NEBL: variants seen among roughly 807,000 people sequenced by gnomAD.
NEBL encodes LIM and SH3 protein 2.
In NEBL, 122 loss-of-function variants were observed where a neutral mutation model predicts 140.2. The observed-to-expected ratio is 0.87, with a 90% CI of 0.75 to 1.01. The LOEUF is 1.01. Among genes scored for constraint, NEBL ranks in the 50% least tolerant of loss-of-function variants. The probability of loss-of-function intolerance (pLI) is 0.00; values close to 1 mark genes in which losing one functional copy is unlikely to be tolerated. For synonymous variants in NEBL, 436 were observed against 398.9 expected (o/e 1.09, Z -1.11); for missense variants, 1,365 against 1,231.3 (o/e 1.11, Z -1.62).
intron 7 of NEBL, 149 bp downstream of exon 7, chr10:20,868,515 G>C: frequency 1.5e-6 from 1 of 672,688 alleles, no homozygotes; most frequent in Non-Finnish European, 2.7e-6. Flanking sequence ...AATTCATAAT[G>C]ATTGCAAGCC....
chr10:21,263,586 G>C (rs1046346852), intron 1 of NEBL, among the ~76,000 whole-genome samples: 2 of 152,132 alleles, frequency 1.3e-5, no homozygotes, highest in African/African-American at 4.8e-5. Context: ...TTTGGGAAGG[G>C]ACTATGATTA....
Position 20,880,777 on chromosome 10 carries a change from GAA to G in NEBL, c.480+15_480+16del, listed in dbSNP as rs1064794541. The G allele has an allele frequency of 6.4e-7, 1 of 1,573,172 alleles. No homozygotes were observed. The highest frequency in any genetic ancestry group is 1.3e-5 in the African/African-American group (1 of 74,108). On this transcript the variant is annotated intron_variant, in intron 5 of 27. Transcript: ENST00000377122. Reference sequence around the variant, plus strand: ...ACTACAGTTCGCTAGAAAATCATGAGAAATGCGCTTCCTTACATTACTCTGGT... The same window carrying G: ...ACTACAGTTCGCTAGAAAATCATGAGATGCGCTTCCTTACATTACTCTGGT...
At chr10:21,082,045 G>T (rs1257645516) in intron 2 of NEBL, among the ~76,000 whole-genome samples, 1 of 152,136 alleles carries the variant, frequency 6.6e-6, no homozygotes, top group African/African-American at 2.4e-5. Flanking sequence ...AGGATACCAT[G>T]AAAAGAACAT....
chr10:20,890,280 T>C (rs1238620339), intron 2 of NEBL, among the ~76,000 whole-genome samples: 1 of 152,208 alleles, frequency 6.6e-6, no homozygotes, highest in Non-Finnish European at 1.5e-5. Flanking sequence ...ACAAGTGTCC[T>C]GGTGTTTTGT....
intron 13 of NEBL, among the ~76,000 whole-genome samples, chr10:20,840,318 A>T (rs887031422): frequency 6.6e-6 from 1 of 152,150 alleles, no homozygotes; most frequent in East Asian, 1.9e-4. Context: ...AACCACTTTC[A>T]TTTGATAAAG....
In NEBL at chr10:21,125,203, C is replaced by T. The variant is rs777340756; in HGVS notation, c.164+47180G>A. On this transcript the variant is annotated intron_variant, in intron 2 of 6. Coordinates refer to the NEBL transcript ENST00000417816. ...CTCTAGAAGCTCACAGGCACACACA[C>T]GCACACACATGCACACATGCATATA... Among the ~76,000 whole-genome samples, 25 of 150,968 alleles carry T rather than the reference C, an allele frequency of 1.7e-4. 1 individual carries two copies. The highest frequency in any genetic ancestry group is 1.1e-3 in the Admixed American group (16 of 15,232).
At chr10:20,916,190 G>A (rs888603178) in intron 4 of NEBL, among the ~76,000 whole-genome samples, 4 of 152,052 alleles carry the variant, frequency 2.6e-5, no homozygotes, top group Non-Finnish European at 4.4e-5. Flanking sequence ...AGAACTACAG[G>A]CAAGAACCAT....
At chr10:20,932,811 T>C (rs539200154) in intron 4 of NEBL, among the ~76,000 whole-genome samples, 2 of 152,220 alleles carry the variant, frequency 1.3e-5, no homozygotes, top group Non-Finnish European at 2.9e-5. Flanking sequence ...AGGACAAAAG[T>C]TGAAAACTGT....
At chr10:20,914,985 G>T (rs1353104210) in intron 4 of NEBL, among the ~76,000 whole-genome samples, 1 of 16,900 alleles carries the variant, frequency 5.9e-5, no homozygotes, top group Admixed American at 7.9e-4. Flanking sequence ...TTTTTTTTTG[G>T]AGAGATGGGG....
Position 20,896,966 on chromosome 10 carries a change from T to C in NEBL, c.145A>G (p.Ile49Val), listed in dbSNP as rs759971811. The C allele has an allele frequency of 2.7e-5, 43 of 1,613,808 alleles. No homozygotes were observed. The highest frequency in any genetic ancestry group is 3.5e-5 in the Non-Finnish European group (41 of 1,179,864). Residue 49 changes from isoleucine to valine, a missense_variant, in exon 2 of 28, where the codon ATT (isoleucine) becomes GTT (valine). This residue lies in a region of NEBL where 1,323 missense variants were observed against 1,154.8 expected (regional missense o/e 1.15). Transcript: ENST00000377122. The stretch of plus-strand genomic sequence containing the variant: ...TTACTCCAGCCACTTACATCGCTAA[T>C]GAGTTCCGTGCATTTTCTGGCCAAT... Reference protein sequence around the residue: ...MELARKCTELISDIRYKEEFK... With the variant: ...MELARKCTELVSDIRYKEEFK...
At chr10:20,989,066 T>G (rs1837362518) in intron 3 of NEBL, among the ~76,000 whole-genome samples, 2 of 152,256 alleles carry the variant, frequency 1.3e-5, no homozygotes, top group South Asian at 4.1e-4. Context: ...AAACCATGAT[T>G]ACTTTAAGAA....
intron 2 of NEBL, among the ~76,000 whole-genome samples, chr10:21,120,164 A>G (rs1272700530): frequency 1.3e-5 from 2 of 151,620 alleles, no homozygotes; most frequent in South Asian, 2.1e-4. Flanking sequence ...TGAGACCAGA[A>G]TTCGAAACCA....
chr10:21,154,315 C>T (rs1259241025), intron 2 of NEBL, among the ~76,000 whole-genome samples: 1 of 151,770 alleles, frequency 6.6e-6, no homozygotes, highest in Non-Finnish European at 1.5e-5. Flanking sequence ...AAAAATTAGC[C>T]AAGCATGGTG....
chr10:20,984,618 A>G (rs1302600784), intron 3 of NEBL, among the ~76,000 whole-genome samples: 3 of 152,024 alleles, frequency 2.0e-5, no homozygotes, highest in Non-Finnish European at 4.4e-5. Context: ...GAGATACAGA[A>G]GGAGCCCTGA....
At chr10:20,891,700 T>C (rs1287855542) in intron 2 of NEBL, among the ~76,000 whole-genome samples, 1 of 152,176 alleles carries the variant, frequency 6.6e-6, no homozygotes, top group East Asian at 1.9e-4. Context: ...TCTTGGGTCT[T>C]TATTAAAAAG....
At chr10:20,813,755 A>G in intron 23 of NEBL, 184 bp downstream of exon 23, 2 of 593,696 alleles carry the variant, frequency 3.4e-6, no homozygotes, top group South Asian at 2.0e-5. Context: ...GAGAAAAATC[A>G]TTTTATTAGA....
intron 1 of NEBL, among the ~76,000 whole-genome samples, chr10:21,282,475 C>T (rs986552960): frequency 7.9e-5 from 12 of 151,966 alleles, no homozygotes; most frequent in Non-Finnish European, 1.5e-4. Context: ...GAAGTCATAC[C>T]TTTGCCACCA....
At chr10:20,934,097 T>G (rs967217436) in intron 4 of NEBL, among the ~76,000 whole-genome samples, 1 of 152,196 alleles carries the variant, frequency 6.6e-6, no homozygotes, top group African/African-American at 2.4e-5. Flanking sequence ...ATGAAATGAT[T>G]GCAAGTTCTC....
chr10:20,895,774 A>T (rs1343724308), intron 2 of NEBL, among the ~76,000 whole-genome samples: 3 of 152,204 alleles, frequency 2.0e-5, no homozygotes, highest in African/African-American at 7.2e-5. Flanking sequence ...GTTTGTCAGA[A>T]AGAGCCAGTC....
Sources: allele counts gnomAD v4.1 joint callset (sites outside exome capture counted in the v4.1 genomes callset), GRCh38; gene constraint gnomAD v4.1.1; regional missense constraint gnomAD v4.1.1; transcripts MANE v1.5; gene names NCBI Gene and HGNC (gene_info 2026-07-23, HGNC 2026-07-21).